ITPR2: variants seen among roughly 807,000 people sequenced by gnomAD.
ITPR2 encodes inositol 1,4,5-trisphosphate receptor type 2, also known as inositol 1,4,5-trisphosphate-gated calcium channel ITPR2.
A neutral mutation model predicts 317.1 loss-of-function variants in ITPR2; 207 were observed. The ratio of observed to expected loss-of-function variants is 0.65; its 90% CI spans 0.58 to 0.73. The LOEUF (loss-of-function observed/expected upper bound fraction) is 0.73, where lower values mean the gene tolerates loss of function less well. Among genes scored for constraint, ITPR2 ranks in the 30% least tolerant of loss-of-function variants. The pLI, the probability that ITPR2 is intolerant of heterozygous loss-of-function variation, is 0.00. For missense variants in ITPR2, 2,613 were observed against 3,284.0 expected (o/e 0.80, Z 4.99); for synonymous variants, 1,156 against 1,149.1 (o/e 1.01, Z -0.12).
intron 37 of ITPR2, among the ~76,000 whole-genome samples, chr12:26,523,936 C>T (rs948993866): frequency 6.6e-6 from 1 of 152,362 alleles, no homozygotes; most frequent in Admixed American, 6.5e-5. Context: ...GCTTGGCAGT[C>T]TGTGTCTCCT....
chr12:26,423,849 G>A (rs143155956), intron 49 of ITPR2, among the ~76,000 whole-genome samples: 91 of 152,172 alleles, frequency 6.0e-4, no homozygotes, highest in African/African-American at 2.1e-3. Flanking sequence ...CAAATATTGC[G>A]ATCACTTCTG....
chr12:26,620,974 A>T, intron 26 of ITPR2, 149 bp downstream of exon 26: 1 of 647,048 alleles, frequency 1.5e-6, no homozygotes, highest in Non-Finnish European at 2.7e-6. Flanking sequence ...TTACGGAGTT[A>T]ATTGACAACT....
At chr12:26,800,659 ATAAG>A (rs1232963406) in intron 1 of ITPR2, among the ~76,000 whole-genome samples, 5 of 152,238 alleles carry the variant, frequency 3.3e-5, no homozygotes, top group African/African-American at 9.6e-5. Flanking sequence ...TAATTATTGA[ATAAG>A]TAAGTGGACT....
chr12:26,346,623 C>CAA (rs35862587), intron 55 of ITPR2, among the ~76,000 whole-genome samples: 2,416 of 135,482 alleles, frequency 0.018, 161 homozygotes, highest in Admixed American at 0.14. Context: ...AAGACTTTCT[C>CAA]AAAAAAAAAA....
At chr12:26,433,363 C>A (rs564176396) in intron 48 of ITPR2, among the ~76,000 whole-genome samples, 1 of 152,222 alleles carries the variant, frequency 6.6e-6, no homozygotes, top group South Asian at 2.1e-4. Flanking sequence ...TGTCTTCCAG[C>A]CTTGTGTTCG....
intron 55 of ITPR2, among the ~76,000 whole-genome samples, chr12:26,351,031 G>A (rs1358556185): frequency 2.6e-5 from 4 of 152,262 alleles, no homozygotes; most frequent in African/African-American, 7.2e-5. Context: ...CAGCTTAGAC[G>A]GCTGGCAAGC....
At chr12:26,412,452 A>G (rs544198909) in intron 51 of ITPR2, among the ~76,000 whole-genome samples, 227 of 152,316 alleles carry the variant, frequency 1.5e-3, no homozygotes, top group African/African-American at 5.4e-3. Context: ...GTGGGGGGTC[A>G]GAAAGTGAGA....
intron 37 of ITPR2, among the ~76,000 whole-genome samples, chr12:26,535,843 A>T (rs1944075398): frequency 6.6e-6 from 1 of 152,240 alleles, no homozygotes; most frequent in South Asian, 2.1e-4. Flanking sequence ...GCACATAAAT[A>T]AGAAAAGAAG....
rs139430915 is a variant in ITPR2 at position 26,690,056 on chromosome 12, T to A, written c.997-3424A>T. The stretch of plus-strand genomic sequence containing the variant: ...GCACACTGAGTGTTGTAAATACATG[T>A]GAGAGAAGACTGCCTCGGAATATAA... On this transcript the variant is annotated intron_variant, in intron 10 of 56. Coordinates refer to ENST00000381340, the MANE Select transcript of ITPR2 (RefSeq NM_002223.4). Among the ~76,000 whole-genome samples the A allele has an allele frequency of 3.9e-5, 6 of 152,248 alleles. No homozygotes were observed. In the East Asian group the frequency reaches 1.2e-3, roughly 29 times the overall value.
chr12:26,466,697 A>G (rs1368769280), intron 45 of ITPR2, among the ~76,000 whole-genome samples: 3 of 152,238 alleles, frequency 2.0e-5, no homozygotes, highest in Non-Finnish European at 4.4e-5. Context: ...GACAGCCATC[A>G]CATTTTTATA....
chr12:26,562,925 AAAAG>A (rs1431392649), intron 34 of ITPR2, among the ~76,000 whole-genome samples: 1 of 152,200 alleles, frequency 6.6e-6, no homozygotes, highest in East Asian at 1.9e-4. Flanking sequence ...ATTAAAAAAA[AAAAG>A]AAATAACACA....
intron 21 of ITPR2, among the ~76,000 whole-genome samples, chr12:26,640,485 A>G (rs1946960903): frequency 3.9e-5 from 6 of 152,288 alleles, no homozygotes; most frequent in Middle Eastern, 3.4e-3. Flanking sequence ...ATTTCACTCA[A>G]TAAATATTTT....
At chr12:26,738,975 TCAATAAAAGAAGACATA>T (rs1366407828) in intron 2 of ITPR2, among the ~76,000 whole-genome samples, 1 of 152,134 alleles carries the variant, frequency 6.6e-6, no homozygotes. Flanking sequence ...CTTTTACAAC[TCAATAAAAGAAGACATA>T]CAATCCAATA....
Position 26,386,262 on chromosome 12 carries a change from G to A in ITPR2, c.7857+1172C>T, listed in dbSNP as rs188823248. 1.4e-3 allele frequency among the ~76,000 whole-genome samples: 219 copies of A among 152,156 alleles called. 4 individuals carry two copies. The highest frequency in any genetic ancestry group is 4.8e-3 in the African/African-American group (201 of 41,448). On this transcript the variant is annotated intron_variant, in intron 55 of 56. Coordinates refer to ENST00000381340, the MANE Select transcript of ITPR2 (RefSeq NM_002223.4). ...AGGAGGAGGAGGCAGAAAGGCAAAA[G>A]TGGAGAAGACAAACAATGTTAGGTT...
intron 55 of ITPR2, among the ~76,000 whole-genome samples, chr12:26,345,494 G>A (rs1393247251): frequency 6.6e-6 from 1 of 152,120 alleles, no homozygotes; most frequent in East Asian, 1.9e-4. Flanking sequence ...TGATAAAAGT[G>A]GCTTCTGTTT....
At chr12:26,629,933 C>T (rs999160892) in intron 22 of ITPR2, among the ~76,000 whole-genome samples, 10 of 152,174 alleles carry the variant, frequency 6.6e-5, no homozygotes, top group Non-Finnish European at 1.5e-4. Flanking sequence ...CTTTGAAGAA[C>T]TTACAGTCTA....
At chr12:26,786,452 A>AAAT (rs1950250038) in intron 2 of ITPR2, among the ~76,000 whole-genome samples, 1 of 59,288 alleles carries the variant, frequency 1.7e-5, no homozygotes, top group African/African-American at 3.7e-5. Context: ...TGATCAATAA[A>AAAT]AAAAAAAAAA....
At chr12:26,455,744 A>G (rs931611602) in intron 45 of ITPR2, among the ~76,000 whole-genome samples, 2 of 152,218 alleles carry the variant, frequency 1.3e-5, no homozygotes, top group Non-Finnish European at 2.9e-5. Context: ...CTTAAGAAAT[A>G]TATAACCTAC....
At chr12:26,731,229 C>T (rs758912462) in intron 2 of ITPR2, among the ~76,000 whole-genome samples, 18 of 152,158 alleles carry the variant, frequency 1.2e-4, no homozygotes, top group Admixed American at 9.8e-4. Context: ...GGCTCTTTCA[C>T]GGTAGCCTGT....
Sources: gnomAD v4.1 joint callset for allele counts (sites outside exome capture counted in the v4.1 genomes callset) on GRCh38, gnomAD v4.1.1 for gene constraint, MANE v1.5 for transcripts, NCBI Gene and HGNC (gene_info 2026-07-23, HGNC 2026-07-21) for gene names.